Variants in SMYD3 observed in about 807,000 individuals in gnomAD.
SMYD3 encodes the protein histone-lysine N-methyltransferase SMYD3.
SMYD3 carries 36 observed loss-of-function variants against 57.7 expected under a neutral mutation model. That is an observed-to-expected ratio of 0.62 (90% CI 0.48 to 0.82). The LOEUF is 0.82. SMYD3 is among the 40% of genes least tolerant of loss of function. The pLI is 0.00. For missense variants in SMYD3, 515 were observed against 538.8 expected, an observed-to-expected ratio of 0.96 and a Z score of 0.44; for synonymous variants, 211 against 195.0, an observed-to-expected ratio of 1.08 and a Z score of -0.68.
rs922173710 is a variant in SMYD3, at chr1:245,993,503, G to A, written c.532-63566C>T. 2.0e-5 allele frequency among the ~76,000 whole-genome samples: 3 copies of A among 152,074 alleles called. 1 individual carries two copies. The highest frequency in any genetic ancestry group is 1.3e-4 in the Admixed American group (2 of 15,252). On this transcript the variant is annotated intron_variant, in intron 5 of 11. Transcript: ENST00000490107. ...TAATCGCAGCTACTAGAGAGGCTGA[G>A]GTGGGAGGATCACTTGAGCCCACGA... is the stretch of plus-strand genomic sequence containing the variant.
At chr1:246,050,037 A>G (rs769341975) in intron 5 of SMYD3, among the ~76,000 whole-genome samples, 4 of 152,256 alleles carry the variant, frequency 2.6e-5, no homozygotes, top group Non-Finnish European at 5.9e-5. Context: ...CAACTAGTGA[A>G]CGCATTAATA....
intron 10 of SMYD3, among the ~76,000 whole-genome samples, chr1:245,843,460 G>T (rs1239691645): frequency 1.3e-5 from 2 of 151,984 alleles, no homozygotes; most frequent in Non-Finnish European, 2.9e-5. Flanking sequence ...CTGCTTTTTA[G>T]AAGTTAGCAA....
At chr1:246,196,610 G>A (rs997522984) in intron 5 of SMYD3, among the ~76,000 whole-genome samples, 5 of 151,896 alleles carry the variant, frequency 3.3e-5, no homozygotes, top group Non-Finnish European at 5.9e-5. Context: ...TTTTATTTTT[G>A]GCAATTCTCA....
chr1:246,144,290 C>T (rs186372480), intron 5 of SMYD3, among the ~76,000 whole-genome samples: 182 of 152,340 alleles, frequency 1.2e-3, no homozygotes, highest in Middle Eastern at 6.8e-3. Context: ...TCTAACACAG[C>T]CCCTTCTCAA....
At chr1:246,009,805 C>CT (rs74163100) in intron 5 of SMYD3, among the ~76,000 whole-genome samples, 36,715 of 75,610 alleles carry the variant, frequency 0.49, 11,063 homozygotes, top group Non-Finnish European at 0.64. Context: ...CATGTAAGAT[C>CT]TTTTTTTTTT....
At chr1:245,841,093 C>T (rs1666849895) in intron 10 of SMYD3, among the ~76,000 whole-genome samples, 1 of 152,164 alleles carries the variant, frequency 6.6e-6, no homozygotes, top group African/African-American at 2.4e-5. Context: ...CTGAGAAGTT[C>T]TGTAGAATAT....
chr1:246,291,471 C>T (rs1246047185), intron 5 of SMYD3, among the ~76,000 whole-genome samples: 1 of 152,084 alleles, frequency 6.6e-6, no homozygotes, highest in African/African-American at 2.4e-5. Context: ...ATGTTAACCT[C>T]CAAATAAAAG....
In SMYD3 at chr1:246,025,572, C is replaced by T. The variant is rs2059560394; in HGVS notation, c.532-95635G>A. ...CTCATACCTCAGAAAAAGCTGCGTC[C>T]TATACACTAGGCTAGCCCACACCAA... On this transcript the variant is annotated intron_variant, in intron 5 of 11. Transcript: ENST00000490107. 2.0e-5 allele frequency among the ~76,000 whole-genome samples: 3 copies of T among 152,106 alleles called. No individual in the cohort carries two copies. In the South Asian group the frequency reaches 6.2e-4, roughly 32 times the overall value.
chr1:245,969,591 G>T (rs2058243888), intron 5 of SMYD3, among the ~76,000 whole-genome samples: 1 of 152,230 alleles, frequency 6.6e-6, no homozygotes, highest in African/African-American at 2.4e-5. Flanking sequence ...GGGCAAAGTG[G>T]TTTGAGGAAA....
chr1:246,066,342 T>C (rs2060339448), intron 5 of SMYD3, among the ~76,000 whole-genome samples: 1 of 152,192 alleles, frequency 6.6e-6, no homozygotes, highest in Non-Finnish European at 1.5e-5. Context: ...TTCTCAACAA[T>C]TTGGATGTAA....
chr1:245,801,358 T>C (rs1172598581), intron 10 of SMYD3, among the ~76,000 whole-genome samples: 1 of 152,208 alleles, frequency 6.6e-6, no homozygotes, highest in Non-Finnish European at 1.5e-5. Context: ...GATGAGTGCA[T>C]CCCTCTGGCC....
At chr1:246,430,885 CACA>C (rs1311734644) in intron 1 of SMYD3, among the ~76,000 whole-genome samples, 3 of 152,048 alleles carry the variant, frequency 2.0e-5, no homozygotes, top group East Asian at 1.9e-4. Context: ...GCAGAAACTA[CACA>C]ACAAGAGGAA....
chr1:246,159,276 A>C (rs75802944), intron 5 of SMYD3, among the ~76,000 whole-genome samples: 8,468 of 152,252 alleles, frequency 0.056, 498 homozygotes, highest in East Asian at 0.22. Flanking sequence ...TTAGGGAGCC[A>C]AGCTCCTTAT....
intron 1 of SMYD3, among the ~76,000 whole-genome samples, chr1:246,427,997 T>C (rs185065620): frequency 3.9e-5 from 6 of 152,320 alleles, no homozygotes; most frequent in African/African-American, 1.2e-4. Flanking sequence ...TGACTGAAAG[T>C]AACTGAAAAT....
chr1:245,862,282 A>G (rs1006368426), intron 9 of SMYD3, among the ~76,000 whole-genome samples: 7 of 149,658 alleles, frequency 4.7e-5, no homozygotes, highest in African/African-American at 4.9e-5. Context: ...TATAATCAAT[A>G]TTAATGCAGC....
intron 5 of SMYD3, among the ~76,000 whole-genome samples, chr1:245,971,905 T>C (rs898845494): frequency 6.6e-6 from 1 of 152,210 alleles, no homozygotes; most frequent in African/African-American, 2.4e-5. Context: ...CACAGCTACA[T>C]ACCTGGTCAG....
chr1:246,419,895 T>G (rs1325570693), intron 1 of SMYD3, among the ~76,000 whole-genome samples: 1 of 152,220 alleles, frequency 6.6e-6, no homozygotes, highest in Non-Finnish European at 1.5e-5. Flanking sequence ...ACCACTGTTT[T>G]CAGCTAAAAA....
At chr1:246,429,200 G>T (rs2067264242) in intron 1 of SMYD3, among the ~76,000 whole-genome samples, 1 of 151,790 alleles carries the variant, frequency 6.6e-6, no homozygotes, top group South Asian at 2.1e-4. Context: ...TAATGAGCTG[G>T]ATTGGAAAGA....
At chr1:246,183,626 T>C (rs1166850892) in intron 5 of SMYD3, among the ~76,000 whole-genome samples, 1 of 152,026 alleles carries the variant, frequency 6.6e-6, no homozygotes, top group Non-Finnish European at 1.5e-5. Context: ...GGTCCTGATA[T>C]AAAGTCTTGA....
Sources: gnomAD v4.1 joint callset for allele counts (sites outside exome capture counted in the v4.1 genomes callset) on GRCh38, gnomAD v4.1.1 for gene constraint, MANE v1.5 for transcripts, NCBI Gene and HGNC (gene_info 2026-07-23, HGNC 2026-07-21) for gene names.